The following CUX1 variants were observed in gnomAD, a reference collection of about 807,000 sequenced individuals.
CUX1 encodes the protein cut like homeobox 1.
A neutral mutation model predicts 158.8 loss-of-function variants in CUX1; 31 were observed. That is an observed-to-expected ratio of 0.20 (90% CI 0.15 to 0.26). The LOEUF (loss-of-function observed/expected upper bound fraction) is 0.26. Among genes scored for constraint, CUX1 ranks in the 10% least tolerant of loss-of-function variants. CUX1 has a pLI of 1.00. For synonymous variants in CUX1, 879 were observed against 862.1 expected, an observed-to-expected ratio of 1.02 and a Z score of -0.34; for missense variants, 1,589 against 2,014.6, an observed-to-expected ratio of 0.79 and a Z score of 4.04.
chr7:101,861,428 T>C (rs553250087), intron 1 of CUX1, among the ~76,000 whole-genome samples: 1 of 152,300 alleles, frequency 6.6e-6, no homozygotes, highest in Admixed American at 6.5e-5. Flanking sequence ...ACCCGTTTTT[T>C]CCCCAATCTT....
intron 16 of CUX1, among the ~76,000 whole-genome samples, chr7:102,275,022 C>T (rs550167542): frequency 9.8e-5 from 15 of 152,292 alleles, no homozygotes; most frequent in African/African-American, 3.4e-4. Context: ...CCCCAGCGTG[C>T]GTATTGTCAG....
intron 16 of CUX1, among the ~76,000 whole-genome samples, chr7:102,274,929 G>A (rs1791503226): frequency 6.6e-6 from 1 of 152,188 alleles, no homozygotes; most frequent in African/African-American, 2.4e-5. Flanking sequence ...AGCTGCAAGG[G>A]TCTCAGATTC....
At chr7:102,162,029 G>A (rs950806072) in intron 9 of CUX1, among the ~76,000 whole-genome samples, 8 of 152,102 alleles carry the variant, frequency 5.3e-5, no homozygotes, top group Admixed American at 2.0e-4. Flanking sequence ...TAGGGGGTTC[G>A]GAGACGTTCC....
At chr7:102,277,684 A>C (rs1791705233) in intron 17 of CUX1, among the ~76,000 whole-genome samples, 1 of 152,204 alleles carries the variant, frequency 6.6e-6, no homozygotes, top group Admixed American at 6.5e-5. Flanking sequence ...GGTTGATGCA[A>C]ATGTAATCAT....
intron 1 of CUX1, among the ~76,000 whole-genome samples, chr7:101,842,081 T>G (rs1795240901): frequency 6.6e-6 from 1 of 152,180 alleles, no homozygotes; most frequent in Non-Finnish European, 1.5e-5. Flanking sequence ...TTTTTAGATT[T>G]TTGACACTTT....
At chr7:101,998,520 C>T (rs1208642207) in intron 2 of CUX1, among the ~76,000 whole-genome samples, 1 of 152,224 alleles carries the variant, frequency 6.6e-6, no homozygotes, top group African/African-American at 2.4e-5. Flanking sequence ...GCCGGCAGGG[C>T]ATCTGTCGTC....
Position 102,178,567 on chromosome 7 carries a change from C to G in CUX1, c.927C>G (p.Leu309=). 1.2e-6 allele frequency: 2 copies of G among 1,612,918 alleles called. No homozygotes were observed. The highest frequency in any genetic ancestry group is 1.7e-6 in the Non-Finnish European group (2 of 1,179,556). Residue 309 remains leucine (L), a synonymous_variant, in exon 11 of 24, where the codon CTC becomes CTG. Transcript: ENST00000292535. The part of the protein sequence containing the change: ...IAQLVEDVQR[L]QASLTKLREN... ...AGCTGGTGGAGGACGTGCAGAGACTCCAGGCCAGCCTCACCAAGCTGCGGG... is the reference window on the plus strand; with the variant it reads ...AGCTGGTGGAGGACGTGCAGAGACTGCAGGCCAGCCTCACCAAGCTGCGGG...
intron 10 of CUX1, 44 bp from the exon 11 acceptor site, chr7:102,178,425 C>T (rs1554512648): frequency 6.5e-7 from 1 of 1,541,292 alleles, no homozygotes; most frequent in South Asian, 1.2e-5. Flanking sequence ...CGAGCACCCG[C>T]CTCAAGGCCA....
intron 6 of CUX1, among the ~76,000 whole-genome samples, chr7:102,110,871 A>G (rs1830815108): frequency 6.6e-6 from 1 of 152,194 alleles, no homozygotes; most frequent in Non-Finnish European, 1.5e-5. Flanking sequence ...AAATGAGCCA[A>G]GGAATAGTAA....
intron 1 of CUX1, among the ~76,000 whole-genome samples, chr7:101,849,445 C>T (rs1796041950): frequency 6.6e-6 from 1 of 152,058 alleles, no homozygotes; most frequent in Non-Finnish European, 1.5e-5. Context: ...GTTTTCTATT[C>T]CTGAGTTAGT....
chr7:101,910,435 T>C (rs1320598157), intron 1 of CUX1, among the ~76,000 whole-genome samples: 1 of 152,032 alleles, frequency 6.6e-6, no homozygotes, highest in East Asian at 2.0e-4. Flanking sequence ...CATCATCCAC[T>C]GTTCCCGGCC....
intron 2 of CUX1, among the ~76,000 whole-genome samples, chr7:101,943,911 G>C (rs1223190460): frequency 6.6e-6 from 1 of 150,474 alleles, no homozygotes; most frequent in African/African-American, 2.5e-5. Context: ...TTGAGCCCAG[G>C]AGTTTGAGAC....
At chr7:102,218,909 C>T (rs1263261687) in intron 20 of CUX1, among the ~76,000 whole-genome samples, 2 of 151,596 alleles carry the variant, frequency 1.3e-5, no homozygotes, top group South Asian at 2.1e-4. Context: ...TAAAAATAAC[C>T]AGGCATGGTG....
At chr7:101,825,503 G>A (rs1315698689) in intron 1 of CUX1, among the ~76,000 whole-genome samples, 1 of 152,080 alleles carries the variant, frequency 6.6e-6, no homozygotes, top group African/African-American at 2.4e-5. Context: ...GCTACCATCC[G>A]GAGCTGGCCG....
intron 1 of CUX1, among the ~76,000 whole-genome samples, chr7:101,904,528 A>T (rs1229132477): frequency 6.6e-6 from 1 of 152,086 alleles, no homozygotes; most frequent in African/African-American, 2.4e-5. Flanking sequence ...CAGAATCAAG[A>T]AATACTGATA....
chr7:102,171,843 C>T (rs527495542), intron 10 of CUX1, among the ~76,000 whole-genome samples: 3 of 152,264 alleles, frequency 2.0e-5, no homozygotes, highest in African/African-American at 4.8e-5. Flanking sequence ...ATCACAAGGC[C>T]GCTCTATGGA....
At chr7:102,151,340 G>T (rs1835633008) in intron 8 of CUX1, among the ~76,000 whole-genome samples, 1 of 152,056 alleles carries the variant, frequency 6.6e-6, no homozygotes, top group African/African-American at 2.4e-5. Flanking sequence ...ATCACCTGAG[G>T]TCAGGAGTTC....
chr7:102,170,850 G>A (rs1791634648), intron 10 of CUX1, among the ~76,000 whole-genome samples: 1 of 152,242 alleles, frequency 6.6e-6, no homozygotes, highest in Non-Finnish European at 1.5e-5. Flanking sequence ...CCAGGCCTGG[G>A]GGTGTGATCG....
At chr7:101,861,538 C>A (rs998523123) in intron 1 of CUX1, among the ~76,000 whole-genome samples, 1 of 151,840 alleles carries the variant, frequency 6.6e-6, no homozygotes, top group African/African-American at 2.4e-5. Context: ...GCTGGTTGGC[C>A]CCCTGGGTGC....
Sources: allele counts gnomAD v4.1 joint callset (sites outside exome capture counted in the v4.1 genomes callset), GRCh38; gene constraint gnomAD v4.1.1; transcripts MANE v1.5; gene names NCBI Gene and HGNC (gene_info 2026-07-23, HGNC 2026-07-21).